The following KCNN2 variants were observed in gnomAD, a reference collection of about 807,000 sequenced individuals.
KCNN2 encodes the protein small conductance calcium-activated potassium channel protein 2.
A neutral mutation model predicts 55.5 loss-of-function variants in KCNN2; 24 were observed. The ratio of observed to expected loss-of-function variants is 0.43; its 90% confidence interval spans 0.31 to 0.61. The LOEUF is 0.61. Among genes scored for constraint, KCNN2 ranks in the 20% least tolerant of loss-of-function variants. The pLI is 0.08. For synonymous variants in KCNN2, 431 were observed against 336.1 expected, an observed-to-expected ratio of 1.28 and a Z score of -3.09; for missense variants, 754 against 853.6, an observed-to-expected ratio of 0.88 and a Z score of 1.45.
chr5:114,428,882 A>G (rs1449922980), intron 3 of KCNN2, among the ~76,000 whole-genome samples: 1 of 152,082 alleles, frequency 6.6e-6, no homozygotes, highest in Middle Eastern at 3.4e-3. Context: ...AGATTCTTCC[A>G]TATCTTTTTG....
At chr5:114,304,490 A>G (rs781775265) in intron 2 of KCNN2, among the ~76,000 whole-genome samples, 1 of 152,180 alleles carries the variant, frequency 6.6e-6, no homozygotes, top group Non-Finnish European at 1.5e-5. Context: ...AACTTGGATC[A>G]CACAGTCACT....
At chr5:114,407,268 T>C (rs1580799500) in intron 3 of KCNN2, among the ~76,000 whole-genome samples, 1 of 151,898 alleles carries the variant, frequency 6.6e-6, no homozygotes, top group East Asian at 1.9e-4. Flanking sequence ...TCCTATATTA[T>C]TCCCTAATTT....
intron 1 of KCNN2, among the ~76,000 whole-genome samples, chr5:114,168,063 T>G (rs1290520632): frequency 6.6e-6 from 1 of 152,056 alleles, no homozygotes; most frequent in East Asian, 1.9e-4. Context: ...CTGATTTATA[T>G]TCACTTGTTG....
chr5:114,415,224 T>G (rs759288600), intron 3 of KCNN2, among the ~76,000 whole-genome samples: 2 of 152,236 alleles, frequency 1.3e-5, no homozygotes, highest in African/African-American at 4.8e-5. Flanking sequence ...CACCAGTTGA[T>G]CTACATTTAG....
chr5:114,214,367 A>G (rs968592682), intron 1 of KCNN2, among the ~76,000 whole-genome samples: 1 of 151,992 alleles, frequency 6.6e-6, no homozygotes, highest in Non-Finnish European at 1.5e-5. Flanking sequence ...CATGACTTAG[A>G]TGATGATAAT....
chr5:114,363,728 T>C (rs1358998314), intron 1 of KCNN2, among the ~76,000 whole-genome samples, 178 bp from the exon 2 acceptor site: 3 of 152,022 alleles, frequency 2.0e-5, no homozygotes, highest in Non-Finnish European at 4.4e-5. Flanking sequence ...CTCGTCTCTT[T>C]TGGTTTTGAG....
At chr5:114,170,235 A>G (rs1753005198) in intron 1 of KCNN2, among the ~76,000 whole-genome samples, 1 of 152,098 alleles carries the variant, frequency 6.6e-6, no homozygotes, top group Non-Finnish European at 1.5e-5. Flanking sequence ...TAATTAACTT[A>G]TATGTAACAC....
intron 1 of KCNN2, among the ~76,000 whole-genome samples, chr5:114,130,196 A>AT (rs1212233624): frequency 6.6e-6 from 1 of 152,006 alleles, no homozygotes; most frequent in Non-Finnish European, 1.5e-5. Context: ...CAAGCTATTT[A>AT]TTTTTTTCTT....
At chr5:114,244,078 A>G (rs553883633) in intron 2 of KCNN2, among the ~76,000 whole-genome samples, 5 of 152,310 alleles carry the variant, frequency 3.3e-5, no homozygotes, top group African/African-American at 1.2e-4. Context: ...GCATGTGAGA[A>G]TGCTTCTGAA....
At chr5:114,147,482 A>G (rs989100842) in intron 1 of KCNN2, among the ~76,000 whole-genome samples, 4 of 152,180 alleles carry the variant, frequency 2.6e-5, no homozygotes, top group African/African-American at 7.2e-5. Flanking sequence ...AGGAAGAAAT[A>G]CCCATTCAAC....
chr5:114,328,224 C>T (rs779304577), intron 2 of KCNN2, among the ~76,000 whole-genome samples: 7 of 152,058 alleles, frequency 4.6e-5, no homozygotes, highest in Non-Finnish European at 1.0e-4. Flanking sequence ...TTTATAACTC[C>T]AGGTGTGCTA....
intron 1 of KCNN2, among the ~76,000 whole-genome samples, chr5:114,181,317 A>G (rs1220637234): frequency 6.6e-6 from 1 of 152,108 alleles, no homozygotes; most frequent in Non-Finnish European, 1.5e-5. Context: ...GTGTAGTATC[A>G]CCTTGTGGTT....
chr5:114,140,420 A>G (rs1377788692), intron 1 of KCNN2, among the ~76,000 whole-genome samples: 2 of 152,184 alleles, frequency 1.3e-5, no homozygotes, highest in Admixed American at 6.6e-5. Flanking sequence ...TTAGAAGGAT[A>G]CTTTGACATA....
chr5:114,257,277 G>A (rs1755002917), intron 2 of KCNN2, among the ~76,000 whole-genome samples: 1 of 152,056 alleles, frequency 6.6e-6, no homozygotes, highest in Non-Finnish European at 1.5e-5. Context: ...AGTATAATTT[G>A]AAGTCAGGTA....
At chr5:114,478,781 G>A (rs560139334) in intron 5 of KCNN2, among the ~76,000 whole-genome samples, 3 of 152,200 alleles carry the variant, frequency 2.0e-5, no homozygotes, top group Admixed American at 6.5e-5. Context: ...CTAGAATTTC[G>A]TTATCTGGCC....
At chr5:114,237,543 T>A (rs1754527352) in intron 2 of KCNN2, among the ~76,000 whole-genome samples, 1 of 152,092 alleles carries the variant, frequency 6.6e-6, no homozygotes, top group Non-Finnish European at 1.5e-5. Context: ...GAGAGAAGGC[T>A]GGGGCTTTAG....
chr5:114,335,870 G>C (rs1485672675), intron 2 of KCNN2, among the ~76,000 whole-genome samples: 1 of 152,114 alleles, frequency 6.6e-6, no homozygotes, highest in East Asian at 1.9e-4. Flanking sequence ...GGAGGATGGT[G>C]GATAGTTTCA....
At chr5:114,464,494 G>A (rs1222976275) in intron 4 of KCNN2, among the ~76,000 whole-genome samples, 1 of 152,116 alleles carries the variant, frequency 6.6e-6, no homozygotes, top group Non-Finnish European at 1.5e-5. Flanking sequence ...GTCATTTGAG[G>A]GCCTCTGAGT....
At chr5:114,119,813 C>G (rs1038411775) in intron 1 of KCNN2, among the ~76,000 whole-genome samples, 1 of 152,052 alleles carries the variant, frequency 6.6e-6, no homozygotes, top group Admixed American at 6.6e-5. Flanking sequence ...GTGACTATAG[C>G]CCAAAGGTTC....
Sources: allele counts gnomAD v4.1 joint callset (sites outside exome capture counted in the v4.1 genomes callset), GRCh38; gene constraint gnomAD v4.1.1; transcripts MANE v1.5; gene names NCBI Gene and HGNC (gene_info 2026-07-23, HGNC 2026-07-21).